NECAB1: variants seen among roughly 807,000 people sequenced by gnomAD.
NECAB1 encodes the protein N-terminal EF-hand calcium binding protein 1.
A neutral mutation model predicts 57.5 loss-of-function variants in NECAB1; 29 were observed. The ratio of observed to expected loss-of-function variants is 0.50; its 90% CI spans 0.38 to 0.69. NECAB1 has a LOEUF of 0.69. NECAB1 is among the 30% of genes least tolerant of loss of function. The pLI, the probability that NECAB1 is intolerant of heterozygous loss-of-function variation, is 0.00. For synonymous variants in NECAB1, 142 were observed against 147.7 expected, an observed-to-expected ratio of 0.96 and a Z score of 0.28; for missense variants, 372 against 413.8, an observed-to-expected ratio of 0.90 and a Z score of 0.88.
intron 5 of NECAB1, among the ~76,000 whole-genome samples, chr8:90,913,859 G>A (rs138722180): frequency 0.013 from 2,048 of 152,336 alleles, 18 homozygotes; most frequent in South Asian, 0.042. Context: ...AATAAGGGAA[G>A]GGAAGGAGAC....
In NECAB1 at chr8:90,792,000, T is replaced by C; in HGVS notation, c.99+15T>C. The C allele has an allele frequency of 6.5e-7, 1 of 1,548,022 alleles. No homozygotes were observed. On this transcript the variant is annotated intron_variant, in intron 1 of 12. Transcript: ENST00000417640. ...TCTTCCTCGACGTAAGTACAGATGG[T>C]GGGAGCTGGGCGGTTGCTTCCCAGC...
At chr8:90,889,157 G>T (rs964747089) in intron 5 of NECAB1, among the ~76,000 whole-genome samples, 8 of 152,122 alleles carry the variant, frequency 5.3e-5, no homozygotes, top group African/African-American at 1.7e-4. Context: ...TAATAATAAT[G>T]TAATAACATA....
chr8:90,958,374 T>C lies in NECAB1; in HGVS notation c.*2862T>C, dbSNP rs1219460755. The C allele has an allele frequency of 6.6e-6, 1 of 151,654 alleles. No homozygotes were observed. The allele number at this position is 151,654 out of a possible 1,614,324, so 9.4% of individuals were successfully genotyped here. A position where few individuals can be genotyped will look rare whatever the true frequency, so the allele number is the denominator to read the frequency against. Reference sequence around the variant, plus strand: ...ACTTCAGTTTCATTCACTACCATTGTTTCCAAATTATCAATCTCTGCTAGT... The same window carrying C: ...ACTTCAGTTTCATTCACTACCATTGCTTCCAAATTATCAATCTCTGCTAGT... On this transcript the variant is annotated 3_prime_UTR_variant, in exon 13 of 13. Coordinates refer to ENST00000417640, the MANE Select transcript of NECAB1 (RefSeq NM_022351.5).
intron 3 of NECAB1, among the ~76,000 whole-genome samples, chr8:90,828,185 G>T (rs1348318444): frequency 2.0e-5 from 3 of 150,126 alleles, no homozygotes; most frequent in African/African-American, 2.4e-5. Context: ...TTTCAGTCAG[G>T]TTTTCTCTCA....
chr8:90,845,598 G>A (rs555237124), intron 3 of NECAB1, among the ~76,000 whole-genome samples: 5 of 152,228 alleles, frequency 3.3e-5, no homozygotes, highest in African/African-American at 1.2e-4. Flanking sequence ...TAGACAGTAA[G>A]TTCCATTAAT....
chr8:90,836,182 T>C (rs1158091676), intron 3 of NECAB1, among the ~76,000 whole-genome samples: 1 of 152,218 alleles, frequency 6.6e-6, no homozygotes, highest in Non-Finnish European at 1.5e-5. Flanking sequence ...TTTCCTGATA[T>C]AATTATTGGA....
chr8:90,842,783 T>A (rs1413210014), intron 3 of NECAB1, among the ~76,000 whole-genome samples: 2 of 152,188 alleles, frequency 1.3e-5, no homozygotes, highest in East Asian at 3.8e-4. Flanking sequence ...TATGCATGAT[T>A]TTTATGGTGT....
At chr8:90,811,666 A>G (rs1363522609) in intron 2 of NECAB1, among the ~76,000 whole-genome samples, 1 of 152,002 alleles carries the variant, frequency 6.6e-6, no homozygotes, top group Non-Finnish European at 1.5e-5. Flanking sequence ...TTCAGAAATT[A>G]CTCTCTTTAT....
At chr8:90,926,245 T>A (rs59315975) in intron 7 of NECAB1, among the ~76,000 whole-genome samples, 5,215 of 152,306 alleles carry the variant, frequency 0.034, 289 homozygotes, top group African/African-American at 0.12. Context: ...AGCATGCATA[T>A]ATACATGCAC....
At chr8:90,880,604 A>G (rs1423226528) in intron 4 of NECAB1, among the ~76,000 whole-genome samples, 2 of 151,830 alleles carry the variant, frequency 1.3e-5, no homozygotes, top group Non-Finnish European at 2.9e-5. Flanking sequence ...CATGTTTTGC[A>G]TCACTGACTC....
chr8:90,821,721 A>G (rs1032394519), intron 2 of NECAB1, among the ~76,000 whole-genome samples: 20 of 151,594 alleles, frequency 1.3e-4, no homozygotes, highest in African/African-American at 4.6e-4. Flanking sequence ...GTCTCGTAGA[A>G]TCCCCCTTAT....
intron 3 of NECAB1, among the ~76,000 whole-genome samples, chr8:90,846,546 C>A (rs1402908783): frequency 6.6e-6 from 1 of 152,192 alleles, no homozygotes; most frequent in Non-Finnish European, 1.5e-5. Flanking sequence ...AAGAGACTAG[C>A]TATGACTGGT....
At chr8:90,875,844 CAAAAAAAAA>C (rs5893141) in intron 4 of NECAB1, among the ~76,000 whole-genome samples, 1 of 88,442 alleles carries the variant, frequency 1.1e-5, no homozygotes, top group Non-Finnish European at 2.3e-5. Flanking sequence ...ACTAAAAATA[CAAAAAAAAA>C]AAAAAAAATT....
rs146147181 is a variant in NECAB1, at chr8:90,908,908, C to A, written c.358-8584C>A. Among the ~76,000 whole-genome samples, 273 of 152,202 alleles carry A rather than the reference C, an allele frequency of 1.8e-3. 2 individuals carry two copies. The highest frequency in any genetic ancestry group is 6.0e-3 in the African/African-American group (250 of 41,550). ...CCAGAAACTGTAGTTAAATTGTACT[C>A]ATTTTCTCTGTATTGCATTTCTTTT... On this transcript the variant is annotated intron_variant, in intron 5 of 12. Coordinates refer to ENST00000417640, the MANE Select transcript of NECAB1 (RefSeq NM_022351.5).
chr8:90,857,024 T>C (rs577147516), intron 3 of NECAB1, among the ~76,000 whole-genome samples: 4 of 152,316 alleles, frequency 2.6e-5, no homozygotes, highest in African/African-American at 9.6e-5. Flanking sequence ...ACAAAAGGAA[T>C]GATACACTAT....
At chr8:90,832,679 TA>T (rs984877318) in intron 3 of NECAB1, among the ~76,000 whole-genome samples, 9 of 152,078 alleles carry the variant, frequency 5.9e-5, no homozygotes, top group African/African-American at 2.2e-4. Flanking sequence ...ATTTAATCTT[TA>T]AAAAAACCAA....
At chr8:90,844,165 T>C (rs1376994491) in intron 3 of NECAB1, among the ~76,000 whole-genome samples, 1 of 152,202 alleles carries the variant, frequency 6.6e-6, no homozygotes, top group Non-Finnish European at 1.5e-5. Context: ...TATACAAATC[T>C]GGGGTGTTAC....
chr8:90,806,787 G>T (rs979582204), intron 2 of NECAB1: 3 of 152,208 alleles, frequency 2.0e-5, no homozygotes, highest in African/African-American at 7.2e-5. Context: ...AATTAAATGA[G>T]ATTATGCCTC....
intron 9 of NECAB1, among the ~76,000 whole-genome samples, chr8:90,936,470 A>G (rs558611477): frequency 5.9e-5 from 9 of 152,294 alleles, no homozygotes; most frequent in South Asian, 2.1e-4. Flanking sequence ...TTTATCAATG[A>G]AGAAATTAAG....
Sources: gnomAD v4.1 joint callset for allele counts (sites outside exome capture counted in the v4.1 genomes callset) on GRCh38, gnomAD v4.1.1 for gene constraint, MANE v1.5 for transcripts, NCBI Gene and HGNC (gene_info 2026-07-23, HGNC 2026-07-21) for gene names.